EEIG2: variants seen among roughly 807,000 people sequenced by gnomAD.
EEIG2 encodes the protein EEIG family member 2, also known as family with sequence similarity 102 member B.
chr1:108,632,141 A>G, the EEIG2 span, among the ~76,000 whole-genome samples: 2 of 149,714 alleles, frequency 1.3e-5, no homozygotes, highest in Non-Finnish European at 3.0e-5. Flanking sequence ...AAAAAAGAAG[A>G]AGAAGAAGAA....
chr1:108,604,325 A>G, the EEIG2 span, among the ~76,000 whole-genome samples: 1 of 152,236 alleles, frequency 6.6e-6, no homozygotes, highest in African/African-American at 2.4e-5. Flanking sequence ...CTGCTGTGTT[A>G]GATGAATCAC....
chr1:108,627,915 T>G, the EEIG2 span: 1 of 466,898 alleles, frequency 2.1e-6, no homozygotes, highest in Non-Finnish European at 3.9e-6. Flanking sequence ...TAGACTGAAC[T>G]AATAAAGGAC....
the EEIG2 span, among the ~76,000 whole-genome samples, chr1:108,592,435 T>C: frequency 2.0e-5 from 3 of 152,348 alleles, no homozygotes; most frequent in South Asian, 4.1e-4. Flanking sequence ...CAACTGCACT[T>C]CGCATGGCTC....
At chr1:108,638,075 T>C in the EEIG2 span, 1 of 152,650 alleles carries the variant, frequency 6.6e-6, no homozygotes, top group Non-Finnish European at 1.5e-5. Flanking sequence ...TTTTTTACTT[T>C]TTTTTCTTCC....
chr1:108,560,359 C>G, the EEIG2 span: 2 of 1,390,924 alleles, frequency 1.4e-6, no homozygotes, highest in South Asian at 2.7e-5. Flanking sequence ...CTGGGCTGAT[C>G]CGGGGCTCGG....
chr1:108,584,958 A>AG, the EEIG2 span, among the ~76,000 whole-genome samples: 2 of 152,190 alleles, frequency 1.3e-5, no homozygotes, highest in Admixed American at 1.3e-4. Flanking sequence ...AATTGGTTGC[A>AG]AGATTTTGCT....
chr1:108,579,772 T>TGTGTGAGAGAGAGAGAGAGAGAGA, the EEIG2 span, among the ~76,000 whole-genome samples: 62 of 58,860 alleles, frequency 1.1e-3, no homozygotes, highest in South Asian at 2.7e-3. Flanking sequence ...TGTGTGTGTG[T>TGTGTGAGAGAGAGAGAGAGAGAGA]GAGAGAGAGA....
the EEIG2 span, chr1:108,629,682 T>C: frequency 2.6e-6 from 4 of 1,553,152 alleles, no homozygotes; most frequent in South Asian, 1.1e-5. Context: ...TAGTGTCTTA[T>C]TAAAATATAG....
the EEIG2 span, chr1:108,629,767 C>T: frequency 8.3e-5 from 64 of 769,178 alleles, no homozygotes; most frequent in Non-Finnish European, 1.4e-4. Context: ...CAAGGAAACA[C>T]AGATAGTAGT....
At chr1:108,601,223 A>G in the EEIG2 span, among the ~76,000 whole-genome samples, 1 of 147,642 alleles carries the variant, frequency 6.8e-6, no homozygotes. Flanking sequence ...CCAATAATCT[A>G]AAAAAAAAAT....
the EEIG2 span, among the ~76,000 whole-genome samples, chr1:108,619,993 A>T: frequency 6.6e-6 from 1 of 152,226 alleles, no homozygotes; most frequent in South Asian, 2.1e-4. Context: ...GCACACTCCC[A>T]TACCTACTTC....
chr1:108,580,286 T>C, the EEIG2 span, among the ~76,000 whole-genome samples: 14 of 152,312 alleles, frequency 9.2e-5, no homozygotes, highest in African/African-American at 3.4e-4. Flanking sequence ...ACTGCTCTAC[T>C]CACTGGCCAT....
chr1:108,603,093 A>G, the EEIG2 span, among the ~76,000 whole-genome samples: 1 of 152,206 alleles, frequency 6.6e-6, no homozygotes, highest in Admixed American at 6.5e-5. Flanking sequence ...TAGACATAAT[A>G]TCCAAAACAG....
chr1:108,584,449 A>G, the EEIG2 span, among the ~76,000 whole-genome samples: 9 of 152,224 alleles, frequency 5.9e-5, no homozygotes, highest in East Asian at 1.5e-3. Flanking sequence ...CCCAAGACTT[A>G]TTTTATCTTA....
At chr1:108,621,894 C>T in the EEIG2 span, among the ~76,000 whole-genome samples, 2 of 151,958 alleles carry the variant, frequency 1.3e-5, no homozygotes, top group Admixed American at 6.6e-5. Context: ...TGGTGGCTCA[C>T]GCCTGTAATC....
the EEIG2 span, among the ~76,000 whole-genome samples, chr1:108,608,782 G>A: frequency 6.6e-6 from 1 of 152,238 alleles, no homozygotes; most frequent in Non-Finnish European, 1.5e-5. Flanking sequence ...GATTACCATA[G>A]ATTAGGTGAT....
chr1:108,591,348 T>G, the EEIG2 span, among the ~76,000 whole-genome samples: 1 of 152,188 alleles, frequency 6.6e-6, no homozygotes, highest in African/African-American at 2.4e-5. Context: ...ATCTGAGTAA[T>G]TGCCTTAGTT....
the EEIG2 span, among the ~76,000 whole-genome samples, chr1:108,602,955 C>CG: frequency 0.14 from 20,737 of 151,690 alleles, 2,065 homozygotes; most frequent in African/African-American, 0.28. Context: ...ATGAGGGAGA[C>CG]GGGGGACATA....
the EEIG2 span, among the ~76,000 whole-genome samples, chr1:108,592,283 T>C: frequency 1.3e-5 from 2 of 152,252 alleles, no homozygotes; most frequent in Admixed American, 6.5e-5. Flanking sequence ...ACTTCAGTTA[T>C]TCATTTGGTC....
Sources: gnomAD v4.1 joint callset for allele counts (sites outside exome capture counted in the v4.1 genomes callset) on GRCh38, gnomAD v4.1.1 for gene constraint, MANE v1.5 for transcripts, NCBI Gene and HGNC (gene_info 2026-07-23, HGNC 2026-07-21) for gene names.